PRKN: variants seen among roughly 807,000 people sequenced by gnomAD.
PRKN encodes the protein parkin RBR E3 ubiquitin protein ligase, also known as E3 ubiquitin-protein ligase parkin.
Under a neutral mutation model 59.5 loss-of-function variants are expected in PRKN, and 56 were observed. That is an observed-to-expected ratio of 0.94 (90% CI 0.76 to 1.18). The LOEUF is 1.18. Among genes scored for constraint, PRKN ranks in the 50% most tolerant of loss-of-function variants. The pLI is 0.00. For missense variants in PRKN, 657 were observed against 596.4 expected, an observed-to-expected ratio of 1.10 and a Z score of -1.06; for synonymous variants, 250 against 222.1, an observed-to-expected ratio of 1.13 and a Z score of -1.12.
rs1182640111 is a variant in PRKN, at chr6:161,412,012, C to CTCATTCCTCCAT, written c.1084-25136_1084-25135insATGGAGGAATGA. Among the ~76,000 whole-genome samples, 25 of 102,182 alleles carry CTCATTCCTCCAT rather than the reference C, an allele frequency of 2.4e-4. No homozygotes were observed. The South Asian group carries it at 8.2e-3, about 33-fold the overall frequency. The allele number at this position is 102,182 out of a possible 152,430, so 67.0% of individuals were successfully genotyped here. A position where few individuals can be genotyped will look rare whatever the true frequency, so the allele number is the denominator to read the frequency against. ...CATTCCTTCCTCACTCATTCCTCCACTCATTCATTCACTCATTCATTCCTC... is the reference window on the plus strand; with the variant it reads ...CATTCCTTCCTCACTCATTCCTCCACTCATTCCTCCATTCATTCATTCACTCATTCATTCCTC... On this transcript the variant is annotated intron_variant, in intron 9 of 11. Transcript: ENST00000366898.
intron 3 of PRKN, among the ~76,000 whole-genome samples, chr6:162,204,743 AAAG>A (rs1277003020): frequency 6.6e-6 from 1 of 151,988 alleles, no homozygotes; most frequent in Non-Finnish European, 1.5e-5. Context: ...GAGAAGTTAA[AAAG>A]AAAAGTGTAC....
At chr6:161,686,577 T>A (rs1355020003) in intron 7 of PRKN, among the ~76,000 whole-genome samples, 1 of 152,242 alleles carries the variant, frequency 6.6e-6, no homozygotes, top group Non-Finnish European at 1.5e-5. Context: ...ATCTACGGAA[T>A]AAATTTCATA....
chr6:162,369,019 A>G (rs1785606210), intron 2 of PRKN, among the ~76,000 whole-genome samples: 1 of 152,160 alleles, frequency 6.6e-6, no homozygotes, highest in African/African-American at 2.4e-5. Context: ...CCCCATCCAT[A>G]TTTTGGTGAG....
At chr6:162,009,256 G>C (rs1782385990) in intron 5 of PRKN, among the ~76,000 whole-genome samples, 1 of 151,526 alleles carries the variant, frequency 6.6e-6, no homozygotes, top group African/African-American at 2.4e-5. Context: ...CTGTCTTGGA[G>C]AACAAAGCAA....
intron 2 of PRKN, among the ~76,000 whole-genome samples, chr6:162,310,024 C>T (rs1782419121): frequency 6.6e-6 from 1 of 152,096 alleles, no homozygotes; most frequent in South Asian, 2.1e-4. Flanking sequence ...CATCCATGTC[C>T]CTGCAAAGGA....
At chr6:162,577,796 G>C (rs6913859) in intron 1 of PRKN, among the ~76,000 whole-genome samples, 4,073 of 152,048 alleles carry the variant, frequency 0.027, 184 homozygotes, top group African/African-American at 0.092. Context: ...AGGCAAGATG[G>C]TGCATGCCTG....
chr6:161,885,471 T>A (rs180924890), intron 6 of PRKN, among the ~76,000 whole-genome samples: 1 of 152,104 alleles, frequency 6.6e-6, no homozygotes, highest in Non-Finnish European at 1.5e-5. Context: ...GAGACCATCC[T>A]GGCTAACACA....
Position 161,864,586 on chromosome 6 carries a change from C to T in PRKN, c.735-78678G>A, listed in dbSNP as rs114878163. The stretch of plus-strand genomic sequence containing the variant: ...TGTCTTTCACCCATGAATCATGAAT[C>T]GTTTTAATGACATCTAGAATGGTGA... On this transcript the variant is annotated intron_variant, in intron 6 of 11. Coordinates refer to ENST00000366898, the MANE Select transcript of PRKN (RefSeq NM_004562.3). 9.0e-3 allele frequency among the ~76,000 whole-genome samples: 1,365 copies of T among 152,226 alleles called. 27 individuals carry two copies. Among genetic ancestry groups the T allele is most frequent in the African/African-American group, 0.031 (1,289 of 41,530 alleles).
intron 9 of PRKN, among the ~76,000 whole-genome samples, chr6:161,435,808 A>C (rs985054578): frequency 6.9e-6 from 1 of 144,198 alleles, no homozygotes; most frequent in Admixed American, 7.1e-5. Context: ...CTGTATCTAC[A>C]TGAAAACTCC....
At chr6:161,836,291 C>G (rs577139037) in intron 6 of PRKN, among the ~76,000 whole-genome samples, 1 of 152,318 alleles carries the variant, frequency 6.6e-6, no homozygotes, top group East Asian at 1.9e-4. Flanking sequence ...ATCCCAGCAG[C>G]ATGCAGAGGT....
At chr6:162,549,802 C>A (rs1236557996) in intron 1 of PRKN, among the ~76,000 whole-genome samples, 2 of 152,080 alleles carry the variant, frequency 1.3e-5, no homozygotes, top group Non-Finnish European at 2.9e-5. Flanking sequence ...CCATGCCTGG[C>A]TAATTTTTGT....
intron 1 of PRKN, among the ~76,000 whole-genome samples, chr6:162,701,757 A>C (rs919342776): frequency 2.0e-5 from 3 of 151,704 alleles, no homozygotes; most frequent in African/African-American, 7.3e-5. Context: ...CATCATCACT[A>C]ATCTTTCAGT....
In PRKN at chr6:161,832,166, T is replaced by C. The variant is rs76133677; in HGVS notation, c.735-46258A>G. On this transcript the variant is annotated intron_variant, in intron 6 of 11. Transcript: ENST00000366898. ...GCAACCATTTCTGCAAAAGAGCAACTTCAAGAGAAATGCAAATGTATATTA... is the reference window on the plus strand; with the variant it reads ...GCAACCATTTCTGCAAAAGAGCAACCTCAAGAGAAATGCAAATGTATATTA... Among the ~76,000 whole-genome samples the C allele has an allele frequency of 9.0e-3, 1,373 of 152,348 alleles. 25 individuals carry two copies. The highest frequency in any genetic ancestry group is 0.032 in the African/African-American group (1,310 of 41,580).
chr6:162,214,226 C>A (rs1159329752), intron 3 of PRKN, among the ~76,000 whole-genome samples: 1 of 152,178 alleles, frequency 6.6e-6, no homozygotes, highest in East Asian at 1.9e-4. Flanking sequence ...CAATTCAACA[C>A]CCAGAGTTCT....
rs1291721456 is a variant in PRKN, at chr6:161,376,666, C to T, written c.1167+10128G>A. Among the ~76,000 whole-genome samples the T allele has an allele frequency of 2.6e-5, 4 of 152,178 alleles. No homozygotes were observed. Among genetic ancestry groups the T allele is most frequent in the African/African-American group, 7.2e-5 (3 of 41,456 alleles). On this transcript the variant is annotated intron_variant, in intron 10 of 11. Transcript: ENST00000366898. The surrounding 1 kb of genome is among the most constrained non-coding windows in gnomAD (Gnocchi z 7.3). ...CACATCACGGCGATAGGGCAGCTCA[C>T]GCCCAGTGGTGGAGGGTGGATGCGA...
At chr6:161,976,503 G>T (rs117965202) in intron 5 of PRKN, among the ~76,000 whole-genome samples, 28 of 152,188 alleles carry the variant, frequency 1.8e-4, no homozygotes, top group Non-Finnish European at 3.4e-4. Flanking sequence ...TGGAAATCAT[G>T]CTGGCTGATG....
chr6:162,615,444 T>A (rs934754016), intron 1 of PRKN, among the ~76,000 whole-genome samples: 1 of 54,116 alleles, frequency 1.8e-5, no homozygotes, highest in Non-Finnish European at 3.8e-5. Flanking sequence ...TTCCATGAGA[T>A]GGATTTTTTT....
intron 2 of PRKN, among the ~76,000 whole-genome samples, chr6:162,318,645 T>C (rs996162160): frequency 2.0e-5 from 3 of 152,076 alleles, no homozygotes; most frequent in African/African-American, 7.2e-5. Flanking sequence ...GTTATCCTAA[T>C]GGATGTGGTA....
chr6:162,601,235 C>T (rs1195627496), intron 1 of PRKN, among the ~76,000 whole-genome samples: 1 of 151,866 alleles, frequency 6.6e-6, no homozygotes, highest in Admixed American at 6.6e-5. Flanking sequence ...ACCCCGATGA[C>T]CTTATCTAAT....
Sources: gnomAD v4.1 joint callset for allele counts (sites outside exome capture counted in the v4.1 genomes callset) on GRCh38, gnomAD v4.1.1 for gene constraint, Gnocchi (gnomAD v3.1) non-coding constraint, MANE v1.5 for transcripts, NCBI Gene and HGNC (gene_info 2026-07-23, HGNC 2026-07-21) for gene names.